Variants in PTPRB observed in about 807,000 individuals in gnomAD.
PTPRB encodes receptor-type tyrosine-protein phosphatase beta.
In PTPRB, 97 loss-of-function variants were observed where a neutral mutation model predicts 238.1. The observed-to-expected ratio is 0.41, with a 90% CI of 0.35 to 0.48. The LOEUF is 0.48. Among genes scored for constraint, PTPRB ranks in the 20% least tolerant of loss-of-function variants. The probability of loss-of-function intolerance (pLI) is 0.30; values close to 1 mark genes in which losing one functional copy is unlikely to be tolerated. For missense variants in PTPRB, 2,292 were observed against 2,681.9 expected (o/e 0.85, Z 3.21); for synonymous variants, 970 against 995.4 (o/e 0.97, Z 0.48).
At chr12:70,539,241 C>T (rs944417584) in intron 26 of PTPRB, 10 of 567,280 alleles carry the variant, frequency 1.8e-5, no homozygotes, top group Admixed American at 6.2e-5. Context: ...TGATGTGCCC[C>T]AGGTCACCCA....
intron 2 of PTPRB, among the ~76,000 whole-genome samples, chr12:70,629,872 T>C (rs1204513143): frequency 6.6e-6 from 1 of 152,166 alleles, no homozygotes; most frequent in African/African-American, 2.4e-5. Flanking sequence ...CCTGGACTCA[T>C]AATGTGTCCA....
chr12:70,568,397 A>G (rs984075594), intron 14 of PTPRB, among the ~76,000 whole-genome samples: 5 of 152,100 alleles, frequency 3.3e-5, no homozygotes, highest in Admixed American at 2.6e-4. Flanking sequence ...TCCTGGGTTC[A>G]TGCCATTCTC....
At position 70,576,588 on chromosome 12, in the gene PTPRB, C is replaced by A; in HGVS notation, c.2636G>T (p.Ser879Ile). 1.3e-6 allele frequency: 2 copies of A among 1,538,104 alleles called. No homozygotes were observed. The highest frequency in any genetic ancestry group is 1.8e-6 in the Non-Finnish European group (2 of 1,142,602). The change falls in exon 11 of 34, where the codon AGC (serine) becomes ATC (isoleucine). Residue 879 changes from serine (S) to isoleucine (I), a missense_variant. Transcript: ENST00000334414. ...VNNSGRNDYL[S>I]VSWLLAPGDV... ...TCCGGGCGCCAGCAGCCAGGAAACGCTGAGGTAGTCATTACGACCGGAATT... is the reference window on the plus strand; with the variant it reads ...TCCGGGCGCCAGCAGCCAGGAAACGATGAGGTAGTCATTACGACCGGAATT...
chr12:70,559,558 T>A lies in PTPRB; in HGVS notation c.4499A>T (p.Lys1500Ile). 6.2e-7 allele frequency: 1 copy of A among 1,613,586 alleles called. No individual in the cohort carries two copies. Among genetic ancestry groups the A allele is most frequent in the Non-Finnish European group, 8.5e-7 (1 of 1,179,526 alleles). Residue 1500 changes from lysine to isoleucine, a missense_variant, in exon 18 of 34, where the codon AAA becomes ATA. Around this residue, in one of 4 missense-constraint regions of PTPRB, gnomAD observed 683 missense variants for 862.0 expected, o/e 0.79. Transcript: ENST00000334414. Reference protein sequence around the residue: ...IANTSLAITWKGPPDWTDYND... With the variant: ...IANTSLAITWIGPPDWTDYND... ...GTAGTCTGTCCAGTCTGGGGGCCCT[T>A]TCCACGTGATGGCCAAGGATGTGTT...
In PTPRB at chr12:70,532,129, C is replaced by A. The variant is rs200824991; in HGVS notation, c.6410G>T (p.Arg2137Leu). The A allele has an allele frequency of 6.2e-7, 1 of 1,613,676 alleles. No homozygotes were observed. Among genetic ancestry groups the A allele is most frequent in the Non-Finnish European group, 8.5e-7 (1 of 1,179,782 alleles). The change falls in exon 32 of 34, where the codon CGA becomes CTA. Residue 2137 changes from arginine to leucine, a missense_variant. By Grantham distance (102) the Arg-to-Leu change is moderately radical. Coordinates refer to ENST00000334414, the MANE Select transcript of PTPRB (RefSeq NM_001109754.4). ...GRTGTFIALD[R>L]ILQQLDSKDS... is the part of the protein sequence containing the mutation. Reference sequence around the variant, plus strand: ...TTTGGAGTCTAACTGCTGGAGGATTCGGTCCAATGCAATAAAGGTTCCAGT... The same window carrying A: ...TTTGGAGTCTAACTGCTGGAGGATTAGGTCCAATGCAATAAAGGTTCCAGT...
At chr12:70,525,197 A>G (rs1872247345) in intron 32 of PTPRB, among the ~76,000 whole-genome samples, 1 of 152,204 alleles carries the variant, frequency 6.6e-6, no homozygotes. Context: ...AAGGTCACAC[A>G]GCTAAGAAAT....
chr12:70,555,327 G>A lies in PTPRB; in HGVS notation c.4994-18C>T, dbSNP rs1877491369. On this transcript the variant is annotated intron_variant, in intron 19 of 33. Transcript: ENST00000334414. ...AGGGGGGCCTGGAAAAAGAGGTGGG[G>A]AAGGAACCAAGAGGGGTCACAACTC... is the stretch of plus-strand genomic sequence containing the variant. 6.2e-7 allele frequency: 1 copy of A among 1,603,542 alleles called. No individual in the cohort carries two copies. Among genetic ancestry groups the A allele is most frequent in the Admixed American group, 1.7e-5 (1 of 58,618 alleles).
intron 6 of PTPRB, among the ~76,000 whole-genome samples, chr12:70,593,059 T>TTGG (rs56183462): frequency 0.12 from 18,214 of 152,292 alleles, 1,197 homozygotes; most frequent in Non-Finnish European, 0.13. Context: ...GATCAATTGA[T>TTGG]TGATTACAAA....
intron 4 of PTPRB, among the ~76,000 whole-genome samples, chr12:70,597,612 T>C (rs1883144137): frequency 6.6e-6 from 1 of 152,136 alleles, no homozygotes; most frequent in Admixed American, 6.5e-5. Flanking sequence ...ATCAAGATAT[T>C]GGAGACCAAT....
chr12:70,541,110 T>C, intron 22 of PTPRB, 153 bp from the exon 23 acceptor site: 1 of 651,612 alleles, frequency 1.5e-6, no homozygotes, highest in East Asian at 2.8e-5. Context: ...TTCCAAAGGC[T>C]CTGAGTATGC....
chr12:70,530,224 TACTG>T (rs1872995386), intron 32 of PTPRB, among the ~76,000 whole-genome samples: 1 of 152,228 alleles, frequency 6.6e-6, no homozygotes, highest in Non-Finnish European at 1.5e-5. Context: ...GATATTTAAA[TACTG>T]ACTGGATATT....
chr12:70,586,763 C>G (rs1881955405), intron 9 of PTPRB, among the ~76,000 whole-genome samples: 1 of 152,196 alleles, frequency 6.6e-6, no homozygotes, highest in South Asian at 2.1e-4. Flanking sequence ...CAGCAAAACT[C>G]CTTGAAACGG....
intron 18 of PTPRB, among the ~76,000 whole-genome samples, chr12:70,558,318 C>A (rs374606395): frequency 1.3e-5 from 2 of 152,172 alleles, no homozygotes; most frequent in African/African-American, 4.8e-5. Flanking sequence ...ACACAAATAA[C>A]TGCTCTTTGG....
intron 21 of PTPRB, among the ~76,000 whole-genome samples, chr12:70,548,667 G>A (rs1307435035): frequency 6.6e-6 from 1 of 152,058 alleles, no homozygotes; most frequent in East Asian, 1.9e-4. Context: ...GGGTTATCAG[G>A]CACTCTTCCC....
At chr12:70,626,363 C>G (rs1465309329) in intron 2 of PTPRB, among the ~76,000 whole-genome samples, 1 of 133,782 alleles carries the variant, frequency 7.5e-6, no homozygotes, top group East Asian at 2.2e-4. Flanking sequence ...ATCTATCTAT[C>G]TATATTCCTG....
chr12:70,532,937 A>T (rs1873518427), intron 31 of PTPRB, among the ~76,000 whole-genome samples: 1 of 152,064 alleles, frequency 6.6e-6, no homozygotes. Context: ...GATATACCAC[A>T]CCCAGCTGAT....
chr12:70,597,218 G>C (rs1308431024), intron 4 of PTPRB, among the ~76,000 whole-genome samples: 2 of 152,138 alleles, frequency 1.3e-5, no homozygotes, highest in African/African-American at 4.8e-5. Flanking sequence ...CACCGCATCT[G>C]GCCCCCTATA....
At chr12:70,545,789 T>C (rs1875865745) in intron 21 of PTPRB, among the ~76,000 whole-genome samples, 1 of 152,124 alleles carries the variant, frequency 6.6e-6, no homozygotes, top group Non-Finnish European at 1.5e-5. Flanking sequence ...GAATCAAGGA[T>C]GGCCTAAGAC....
Position 70,517,813 on chromosome 12 carries a change from A to G in PTPRB, c.*3676T>C, listed in dbSNP as rs1844849964. 6.6e-6 allele frequency: 1 copy of G among 152,184 alleles called. No individual in the cohort carries two copies. Among genetic ancestry groups the G allele is most frequent in the Non-Finnish European group, 1.5e-5 (1 of 68,040 alleles). 9.4% of individuals were successfully genotyped at this position (152,184 alleles called of 1,614,324 possible). On this transcript the variant is annotated 3_prime_UTR_variant, in exon 34 of 34. Coordinates refer to ENST00000334414, the MANE Select transcript of PTPRB (RefSeq NM_001109754.4). Reference sequence around the variant, plus strand: ...GCTGTTGTGCAGATCTGGTAGCTTTATGATTTCAGGATTCCAACCTCAAAG... The same window carrying G: ...GCTGTTGTGCAGATCTGGTAGCTTTGTGATTTCAGGATTCCAACCTCAAAG...
Sources: allele counts gnomAD v4.1 joint callset (sites outside exome capture counted in the v4.1 genomes callset), GRCh38; gene constraint gnomAD v4.1.1; regional missense constraint gnomAD v4.1.1; transcripts MANE v1.5; gene names NCBI Gene and HGNC (gene_info 2026-07-23, HGNC 2026-07-21).